The following SLC2A11 variants were observed in gnomAD, a reference collection of about 807,000 sequenced individuals.
SLC2A11 encodes solute carrier family 2 member 11.
A neutral mutation model predicts 52.1 loss-of-function variants in SLC2A11; 43 were observed. The observed-to-expected ratio is 0.82, with a 90% CI of 0.65 to 1.06. The LOEUF is 1.06. SLC2A11 is among the 50% of genes least tolerant of loss of function. The pLI is 0.00. For synonymous variants in SLC2A11, 261 were observed against 277.6 expected, an observed-to-expected ratio of 0.94 and a Z score of 0.59; for missense variants, 582 against 654.2, an observed-to-expected ratio of 0.89 and a Z score of 1.20.
At chr22:23,857,617 G>A (rs556654784), upstream of SLC2A11, 7 of 1,222,150 alleles carry the variant, frequency 5.7e-6, no homozygotes, top group African/African-American at 8.2e-5. Context: ...AACACGCTGG[G>A]GCGAACTCCC....
chr22:23,875,393 ATAGTT>A (rs2032586406), intron 4 of SLC2A11, 152 bp downstream of exon 4: 1 of 1,004,300 alleles, frequency 1.0e-6, no homozygotes, highest in East Asian at 3.2e-5. Flanking sequence ...AGGATGTAGT[ATAGTT>A]TATCTTAAAG....
upstream of SLC2A11, chr22:23,857,585 C>CCCG (rs2031888165): frequency 1.4e-6 from 2 of 1,474,942 alleles, no homozygotes. Flanking sequence ...AAACCCCCCC[C>CCCG]CCGCGGCGGC....
Position 23,885,443 on chromosome 22 carries a change from A to T in SLC2A11, c.*594A>T, listed in dbSNP as rs1224328354. 2.0e-5 allele frequency: 3 copies of T among 151,832 alleles called. No homozygotes were observed. Among genetic ancestry groups the T allele is most frequent in the African/African-American group, 7.3e-5 (3 of 41,170 alleles). 9.4% of individuals were successfully genotyped at this position (151,832 alleles called of 1,614,324 possible). ...CCAGGTGAGGTGGCTGATGCCTGTAATCCCAGCACTTTGGGAGGCCAAGAT... is the reference window on the plus strand; with the variant it reads ...CCAGGTGAGGTGGCTGATGCCTGTATTCCCAGCACTTTGGGAGGCCAAGAT... On this transcript the variant is annotated 3_prime_UTR_variant, in exon 12 of 12. Transcript: ENST00000316185.
In SLC2A11 at chr22:23,885,517, A is replaced by G. The variant is rs1309628658; in HGVS notation, c.*668A>G. The G allele has an allele frequency of 6.9e-6, 1 of 144,140 alleles. No homozygotes were observed. The highest frequency in any genetic ancestry group is 1.5e-5 in the Non-Finnish European group (1 of 66,708). The allele number at this position is 144,140 out of a possible 1,614,324, so 8.9% of individuals were successfully genotyped here. A position where few individuals can be genotyped will look rare whatever the true frequency, so the allele number is the denominator to read the frequency against. ...AGTTTGAGACCAGCCTGGGCCACATAGTAAGATCCTGTTTCTACCAAAAAA... is the reference window on the plus strand; with the variant it reads ...AGTTTGAGACCAGCCTGGGCCACATGGTAAGATCCTGTTTCTACCAAAAAA... On this transcript the variant is annotated 3_prime_UTR_variant, in exon 12 of 12. Coordinates refer to ENST00000316185, the MANE Select transcript of SLC2A11 (RefSeq NM_001024939.4).
At chr22:23,883,685 C>A in intron 8 of SLC2A11, 87 bp from the exon 9 acceptor site, 1 of 1,126,122 alleles carries the variant, frequency 8.9e-7, no homozygotes, top group Non-Finnish European at 1.2e-6. Flanking sequence ...CCACCACCAG[C>A]TTTCTCAGGA....
intron 2 of SLC2A11, 44 bp from the exon 3 acceptor site, chr22:23,868,437 C>G (rs761559877): frequency 4.4e-6 from 7 of 1,608,082 alleles, no homozygotes. Flanking sequence ...CTAGCACCCC[C>G]ACGCCACCAT....
chr22:23,877,783 C>A lies in SLC2A11; in HGVS notation c.608C>A (p.Ala203Glu). The change falls in exon 6 of 12, where the codon GCG becomes GAG. Residue 203 changes from alanine to glutamate, a missense_variant. Transcript: ENST00000316185. The part of the protein sequence containing the change: ...LLLASCLVPG[A>E]LQLASLPLLP... ...CTGGCCAGCTGCCTGGTGCCCGGGG[C>A]GCTCCAGCTCGCCTCCCTGCCTCTG... 1 of 1,608,800 alleles carries A rather than the reference C, an allele frequency of 6.2e-7. No homozygotes were observed.
At chr22:23,880,543 G>GC (rs1312234745) in intron 6 of SLC2A11, 3 of 152,038 alleles carry the variant, frequency 2.0e-5, no homozygotes, top group Admixed American at 6.6e-5. Flanking sequence ...CCTCCTAAAT[G>GC]CCCCCTTTTC....
At chr22:23,868,432 AC>A in intron 2 of SLC2A11, 48 bp from the exon 3 acceptor site, 2 of 1,605,460 alleles carry the variant, frequency 1.2e-6, no homozygotes, top group Non-Finnish European at 1.7e-6. Context: ...TTCATCTAGC[AC>A]CCCCACGCCA....
intron 8 of SLC2A11, 144 bp from the exon 9 acceptor site, chr22:23,883,628 T>G: frequency 1.6e-6 from 1 of 641,818 alleles, no homozygotes; most frequent in Non-Finnish European, 2.5e-6. Context: ...CCAAGTTCCT[T>G]TGGGAAATTA....
At chr22:23,878,043 G>A (rs2032682084) in intron 6 of SLC2A11, among the ~76,000 whole-genome samples, 174 bp downstream of exon 6, 1 of 152,156 alleles carries the variant, frequency 6.6e-6, no homozygotes, top group Non-Finnish European at 1.5e-5. Context: ...CTATCAAGTG[G>A]TTGTCCTAAC....
intron 1 of SLC2A11, 95 bp downstream of exon 1, chr22:23,858,124 C>G (rs2031923173): frequency 6.7e-7 from 1 of 1,492,480 alleles, no homozygotes; most frequent in Non-Finnish European, 9.1e-7. Context: ...GGAGGCTTAA[C>G]TAAGTCGTCA....
chr22:23,868,274 T>G, intron 2 of SLC2A11: 1 of 583,068 alleles, frequency 1.7e-6, no homozygotes, highest in Non-Finnish European at 3.0e-6. Context: ...TGAGAGATAT[T>G]GCCCATGAAA....
Position 23,884,073 on chromosome 22 carries a change from T to A in SLC2A11, c.1171+49T>A, listed in dbSNP as rs897293264. The A allele has an allele frequency of 1.3e-6, 2 of 1,595,926 alleles. No individual in the cohort carries two copies. The highest frequency in any genetic ancestry group is 1.7e-6 in the Non-Finnish European group (2 of 1,173,238). On this transcript the variant is annotated intron_variant, in intron 10 of 11. Transcript: ENST00000316185. This position sits in a 1 kb window ranked among gnomAD's most constrained non-coding sequence, Gnocchi z 4.3. ...GGCATCCATCATCACATAGAAGGAG[T>A]GATGGGTGCCTGGGTGCACAGTGGG...
intron 3 of SLC2A11, 51 bp from the exon 4 acceptor site, chr22:23,875,066 C>A (rs1601503705): frequency 2.0e-6 from 3 of 1,483,654 alleles, no homozygotes; most frequent in Admixed American, 2.3e-5. Flanking sequence ...AGGGATGGTC[C>A]CGCTGGACTG....
chr22:23,858,197 A>G, intron 1 of SLC2A11, 168 bp downstream of exon 1: 1 of 1,091,942 alleles, frequency 9.2e-7, no homozygotes, highest in Non-Finnish European at 1.4e-6. Flanking sequence ...AGATGTGCAT[A>G]GGCAGGTGTT....
chr22:23,874,806 G>A (rs760668871), intron 3 of SLC2A11, among the ~76,000 whole-genome samples: 3 of 151,774 alleles, frequency 2.0e-5, no homozygotes, highest in Non-Finnish European at 2.9e-5. Context: ...GACCTGCCTG[G>A]TCTCCTGGGA....
At chr22:23,858,414 C>T (rs1381585831) in intron 1 of SLC2A11, among the ~76,000 whole-genome samples, 2 of 152,102 alleles carry the variant, frequency 1.3e-5, no homozygotes, top group Non-Finnish European at 2.9e-5. Flanking sequence ...TCTGACCTGA[C>T]GTCCTGCCTC....
chr22:23,883,640 TA>T, intron 8 of SLC2A11, 131 bp from the exon 9 acceptor site: 1 of 692,130 alleles, frequency 1.4e-6, no homozygotes, highest in Non-Finnish European at 2.3e-6. Context: ...GGGAAATTAA[TA>T]AAGTCACACT....
Sources: allele counts gnomAD v4.1 joint callset (sites outside exome capture counted in the v4.1 genomes callset), GRCh38; gene constraint gnomAD v4.1.1; non-coding constraint Gnocchi (gnomAD v3.1); transcripts MANE v1.5; gene names NCBI Gene and HGNC (gene_info 2026-07-23, HGNC 2026-07-21).